OR6C75: variants seen among roughly 807,000 people sequenced by gnomAD.
OR6C75 encodes the protein olfactory receptor family 6 subfamily C member 75, also known as olfactory receptor 6C75.
For synonymous variants in OR6C75, 149 were observed against 130.6 expected (o/e 1.14, Z -0.96); for missense variants, 380 against 368.0 (o/e 1.03, Z -0.27).
In OR6C75 at chr12:55,366,106, C is replaced by T; in HGVS notation, c.*57C>T. The T allele has an allele frequency of 6.0e-6, 6 of 1,004,636 alleles. No individual in the cohort carries two copies. Among genetic ancestry groups the T allele is most frequent in the Non-Finnish European group, 8.8e-6 (6 of 685,072 alleles). 62.2% of individuals were successfully genotyped at this position (1,004,636 alleles called of 1,614,324 possible). A position where few individuals can be genotyped will look rare whatever the true frequency, so the allele number is the denominator to read the frequency against. On this transcript the variant is annotated 3_prime_UTR_variant, in exon 3 of 3. Transcript: ENST00000641576. Reference sequence around the variant, plus strand: ...GCAAAGCTGAATGAAAAACTCTCTACCCTTCTCTACATGAACTCTTTCTAA... The same window carrying T: ...GCAAAGCTGAATGAAAAACTCTCTATCCTTCTCTACATGAACTCTTTCTAA...
chr12:55,365,796 TGAG>T lies in OR6C75; in HGVS notation c.687_689del (p.Met229_Ser230delinsIle). The T allele has an allele frequency of 1.9e-6, 3 of 1,613,950 alleles. No homozygotes were observed. The South Asian group carries it at 3.3e-5, about 18-fold the overall frequency. On this transcript the variant is annotated inframe_deletion, in exon 3 of 3. Transcript: ENST00000641576. ...CGGACAATTCTGAAAATTCCTTCTATGAGTCAAAGGAAAAAAGCCTTTTCCACT... is the reference window on the plus strand; with the variant it reads ...CGGACAATTCTGAAAATTCCTTCTATTCAAAGGAAAAAAGCCTTTTCCACT...
At position 55,368,748 on chromosome 12, in the gene OR6C75, T is replaced by C. The variant is rs1592277196; in HGVS notation, c.*2699T>C. On this transcript the variant is annotated 3_prime_UTR_variant, in exon 3 of 3. Coordinates refer to ENST00000641576, the MANE Select transcript of OR6C75 (RefSeq NM_001005497.2). ...CCTTGATTTTCAGCTTTGTCTGATA[T>C]ACAGGTGAATGTAAAGAGCTCTACA... is the stretch of plus-strand genomic sequence containing the variant. The C allele has an allele frequency of 6.6e-6, 1 of 152,218 alleles. No homozygotes were observed. Among genetic ancestry groups the C allele is most frequent in the Non-Finnish European group, 1.5e-5 (1 of 68,040 alleles). The allele number at this position is 152,218 out of a possible 1,614,324, so 9.4% of individuals were successfully genotyped here.
rs924923681 is a variant in OR6C75, at chr12:55,365,067, A to G, written c.-44A>G. ...TCATAGTTTTCTGGTTTCTTCACCT[A>G]TTTTACAGCGAAAATACAGAATACT... is the stretch of plus-strand genomic sequence containing the variant. On this transcript the variant is annotated 5_prime_UTR_variant, in exon 3 of 3. Transcript: ENST00000641576. The G allele has an allele frequency of 1.5e-6, 2 of 1,362,780 alleles. No homozygotes were observed. The highest frequency in any genetic ancestry group is 1.5e-5 in the African/African-American group (1 of 68,790). The allele number at this position is 1,362,780 out of a possible 1,614,324, so 84.4% of individuals were successfully genotyped here. A position where few individuals can be genotyped will look rare whatever the true frequency, so the allele number is the denominator to read the frequency against.
In OR6C75 at chr12:55,365,949, C is replaced by T; in HGVS notation, c.839C>T (p.Ala280Val). The T allele has an allele frequency of 6.2e-7, 1 of 1,613,534 alleles. No individual in the cohort carries two copies. The highest frequency in any genetic ancestry group is 1.3e-5 in the African/African-American group (1 of 75,006). Reference sequence around the variant, plus strand: ...GTAGCTGTGCTCAATACCTCAGTGGCTCCTCTCTTGAATCCCTTCATATAC... The same window carrying T: ...GTAGCTGTGCTCAATACCTCAGTGGTTCCTCTCTTGAATCCCTTCATATAC... Reference protein sequence around the residue: ...KGVAVLNTSVAPLLNPFIYTL... With the variant: ...KGVAVLNTSVVPLLNPFIYTL... The change falls in exon 3 of 3, where the codon GCT becomes GTT. Residue 280 changes from alanine to valine, a missense_variant. Transcript: ENST00000641576.
Position 55,365,232 on chromosome 12 carries a change from T to A in OR6C75, c.122T>A (p.Leu41Gln), listed in dbSNP as rs1188178743. 1 of 1,612,490 alleles carries A rather than the reference T, an allele frequency of 6.2e-7. No individual in the cohort carries two copies. The highest frequency in any genetic ancestry group is 1.3e-5 in the African/African-American group (1 of 74,932). Residue 41 changes from leucine to glutamine, a missense_variant, in exon 3 of 3, where the codon CTG (leucine) becomes CAG (glutamine). Coordinates refer to ENST00000641576, the MANE Select transcript of OR6C75 (RefSeq NM_001005497.2). ...VTYMLSVTGN[L>Q]IIITLTLSDP... The stretch of plus-strand genomic sequence containing the variant: ...TACATGTTAAGTGTGACTGGGAACC[T>A]GATCATTATCACCCTCACCCTTTCA...
At chr12:55,363,346 T>C (rs183253468) in intron 1 of OR6C75, among the ~76,000 whole-genome samples, 2 of 152,260 alleles carry the variant, frequency 1.3e-5, no homozygotes, top group East Asian at 3.9e-4. Context: ...TAATTTTTGC[T>C]TTAATAGCTT....
In OR6C75 at chr12:55,365,902, A is replaced by T; in HGVS notation, c.792A>T (p.Glu264Asp). 1 of 1,614,026 alleles carries T rather than the reference A, an allele frequency of 6.2e-7. No individual in the cohort carries two copies. The highest frequency in any genetic ancestry group is 1.1e-5 in the South Asian group (1 of 91,084). Reference protein sequence around the residue: ...IFMYIKTSARERVTLSKGVAV... With the variant: ...IFMYIKTSARDRVTLSKGVAV... ...TGTACATTAAGACTTCTGCCAGAGAAAGGGTGACTTTAAGCAAAGGAGTAG... is the reference window on the plus strand; with the variant it reads ...TGTACATTAAGACTTCTGCCAGAGATAGGGTGACTTTAAGCAAAGGAGTAG... The change falls in exon 3 of 3, where the codon GAA becomes GAT. Residue 264 changes from glutamate (E) to aspartate (D), a missense_variant. Glu to Asp is a conservative substitution (Grantham distance 45). Coordinates refer to ENST00000641576, the MANE Select transcript of OR6C75 (RefSeq NM_001005497.2).
chr12:55,367,912 A>G lies in OR6C75; in HGVS notation c.*1863A>G, dbSNP rs899338557. On this transcript the variant is annotated 3_prime_UTR_variant, in exon 3 of 3. Transcript: ENST00000641576. ...CAATCTTGGCTGGGTGTGGTGGCTC[A>G]TGCCCGAAATCTCAGCACTTTGGGA... The G allele has an allele frequency of 2.6e-4, 39 of 152,390 alleles. No individual in the cohort carries two copies. Among genetic ancestry groups the G allele is most frequent in the African/African-American group, 9.4e-4 (39 of 41,576 alleles). 9.4% of individuals were successfully genotyped at this position (152,390 alleles called of 1,614,324 possible). A position where few individuals can be genotyped will look rare whatever the true frequency, so the allele number is the denominator to read the frequency against.
At chr12:55,364,163 T>C (rs1337309544) in intron 2 of OR6C75, among the ~76,000 whole-genome samples, 3 of 151,088 alleles carry the variant, frequency 2.0e-5, no homozygotes, top group Non-Finnish European at 4.4e-5. Context: ...GTATTTTTAG[T>C]AGAGACGGGG....
rs59247539 is a variant in OR6C75 at position 55,364,312 on chromosome 12, C to CTTTTTTTT, written c.-236+453_-236+460dup. Among the ~76,000 whole-genome samples, 133 of 17,172 alleles carry CTTTTTTTT rather than the reference C, an allele frequency of 7.7e-3. 43 individuals carry two copies. The highest frequency in any genetic ancestry group is 0.032 in the South Asian group (7 of 218). The allele number at this position is 17,172 out of a possible 152,430, so 11.3% of individuals were successfully genotyped here. On this transcript the variant is annotated intron_variant, in intron 2 of 2. Transcript: ENST00000641576. ...TTTTTTTTACATTTAGTTTCTTTTCCTTTTTTTTTTTTTTTTTTTTTTTTT... is the reference window on the plus strand; with the variant it reads ...TTTTTTTTACATTTAGTTTCTTTTCCTTTTTTTTTTTTTTTTTTTTTTTTTTTTTTTTT...
At position 55,368,083 on chromosome 12, in the gene OR6C75, G is replaced by A. The variant is rs1869843561; in HGVS notation, c.*2034G>A. The A allele has an allele frequency of 1.3e-5, 2 of 152,182 alleles. No individual in the cohort carries two copies. Among genetic ancestry groups the A allele is most frequent in the Non-Finnish European group, 2.9e-5 (2 of 68,146 alleles). 9.4% of individuals were successfully genotyped at this position (152,182 alleles called of 1,614,324 possible). A position where few individuals can be genotyped will look rare whatever the true frequency, so the allele number is the denominator to read the frequency against. On this transcript the variant is annotated 3_prime_UTR_variant, in exon 3 of 3. Transcript: ENST00000641576. Reference sequence around the variant, plus strand: ...TCCCAGCTACTCAAGAAGATGAGGTGGGAGAATTGCTTGGACCTTGGAGGT... The same window carrying A: ...TCCCAGCTACTCAAGAAGATGAGGTAGGAGAATTGCTTGGACCTTGGAGGT...
Position 55,364,907 on chromosome 12 carries a change from G to T in OR6C75, c.-204G>T. ...GCATCAGCGGATAGCTAGACACAATGGAATGTTATCCAGCCTCATAAAAGA... is the reference window on the plus strand; with the variant it reads ...GCATCAGCGGATAGCTAGACACAATTGAATGTTATCCAGCCTCATAAAAGA... On this transcript the variant is annotated 5_prime_UTR_variant, in exon 3 of 3. An upstream start codon of the reference 5' UTR is lost. Coordinates refer to ENST00000641576, the MANE Select transcript of OR6C75 (RefSeq NM_001005497.2). 1.8e-6 allele frequency: 1 copy of T among 557,156 alleles called. No homozygotes were observed. The highest frequency in any genetic ancestry group is 3.0e-5 in the East Asian group (1 of 33,040). The allele number at this position is 557,156 out of a possible 1,614,324, so 34.5% of individuals were successfully genotyped here.
At position 55,365,848 on chromosome 12, in the gene OR6C75, C is replaced by T. The variant is rs1388103964; in HGVS notation, c.738C>T (p.Val246=). The change falls in exon 3 of 3, where the codon GTC becomes GTT. Residue 246 remains valine, a synonymous_variant. Transcript: ENST00000641576. ...CTTGCTCCTCCCATATGATAGTTGT[C>T]TCCATCTCTTACAGTAGCTGTATCT... ...FSTCSSHMIV[V]SISYSSCIFM... The T allele has an allele frequency of 6.2e-7, 1 of 1,613,832 alleles. No homozygotes were observed. The highest frequency in any genetic ancestry group is 2.2e-5 in the East Asian group (1 of 44,868).
Position 55,365,568 on chromosome 12 carries a change from T to A in OR6C75, c.458T>A (p.Ile153Asn). 1.2e-6 allele frequency: 2 copies of A among 1,614,068 alleles called. No individual in the cohort carries two copies. The highest frequency in any genetic ancestry group is 1.7e-6 in the Non-Finnish European group (2 of 1,180,010). The change falls in exon 3 of 3, where the codon ATC becomes AAC. Residue 153 changes from isoleucine (I) to asparagine (N), a missense_variant. Ile to Asn is a moderately radical substitution (Grantham distance 149, BLOSUM62 -3). Coordinates refer to ENST00000641576, the MANE Select transcript of OR6C75 (RefSeq NM_001005497.2). ...VFSSWLAGFLIIFPPVMLLLQ... is the reference protein window; with the variant it reads ...VFSSWLAGFLNIFPPVMLLLQ... ...AGCTCCTGGCTTGCAGGGTTTCTGA[T>A]CATCTTTCCACCAGTAATGCTTCTG...
chr12:55,364,450 C>T (rs1869745237), intron 2 of OR6C75, among the ~76,000 whole-genome samples: 2 of 149,686 alleles, frequency 1.3e-5, no homozygotes, highest in African/African-American at 2.5e-5. Flanking sequence ...CTCAGCCTCC[C>T]AAGTAGCTGG....
Position 55,365,813 on chromosome 12 carries a change from G to C in OR6C75, c.703G>C (p.Ala235Pro). ...KIPSMSQRKK[A>P]FSTCSSHMIV... is the part of the protein sequence containing the mutation. ...TCCTTCTATGAGTCAAAGGAAAAAA[G>C]CCTTTTCCACTTGCTCCTCCCATAT... The change falls in exon 3 of 3, where the codon GCC becomes CCC. Residue 235 changes from alanine (A) to proline (P), a missense_variant. By Grantham distance (27) the Ala-to-Pro change is conservative. Coordinates refer to ENST00000641576, the MANE Select transcript of OR6C75 (RefSeq NM_001005497.2). 6.2e-7 allele frequency: 1 copy of C among 1,613,444 alleles called. No homozygotes were observed. The highest frequency in any genetic ancestry group is 8.5e-7 in the Non-Finnish European group (1 of 1,179,722).
In OR6C75 at chr12:55,366,273, T is replaced by G. The variant is rs1266230602; in HGVS notation, c.*224T>G. 1 of 383,460 alleles carries G rather than the reference T, an allele frequency of 2.6e-6. No individual in the cohort carries two copies. Among genetic ancestry groups the G allele is most frequent in the Non-Finnish European group, 4.7e-6 (1 of 214,066 alleles). 23.8% of individuals were successfully genotyped at this position (383,460 alleles called of 1,614,324 possible). ...CTCACCTATGTAACTAAATTTTAGG[T>G]AAATTAATAATTACTATGGTTTATT... On this transcript the variant is annotated 3_prime_UTR_variant, in exon 3 of 3. Coordinates refer to ENST00000641576, the MANE Select transcript of OR6C75 (RefSeq NM_001005497.2).
Position 55,365,765 on chromosome 12 carries a change from A to G in OR6C75, c.655A>G (p.Ile219Val), listed in dbSNP as rs1869785851. 1.2e-6 allele frequency: 2 copies of G among 1,614,006 alleles called. No individual in the cohort carries two copies. Among genetic ancestry groups the G allele is most frequent in the South Asian group, 1.1e-5 (1 of 91,070 alleles). ...LTLVILSYTN[I>V]IRTILKIPSM... Reference sequence around the variant, plus strand: ...ATTAGTTATTCTCTCCTACACAAACATCATCCGGACAATTCTGAAAATTCC... The same window carrying G: ...ATTAGTTATTCTCTCCTACACAAACGTCATCCGGACAATTCTGAAAATTCC... The change falls in exon 3 of 3, where the codon ATC (isoleucine) becomes GTC (valine). Residue 219 changes from isoleucine to valine, a missense_variant. By Grantham distance (29) the Ile-to-Val change is conservative. Transcript: ENST00000641576.
rs1051692754 is a variant in OR6C75, at chr12:55,368,111, A to C, written c.*2062A>C. Reference sequence around the variant, plus strand: ...AGAATTGCTTGGACCTTGGAGGTTGAGGCTGCAGTGAGCTCTCATCATGCC... The same window carrying C: ...AGAATTGCTTGGACCTTGGAGGTTGCGGCTGCAGTGAGCTCTCATCATGCC... On this transcript the variant is annotated 3_prime_UTR_variant, in exon 3 of 3. Coordinates refer to ENST00000641576, the MANE Select transcript of OR6C75 (RefSeq NM_001005497.2). 1 of 152,206 alleles carries C rather than the reference A, an allele frequency of 6.6e-6. No individual in the cohort carries two copies. Among genetic ancestry groups the C allele is most frequent in the Admixed American group, 6.6e-5 (1 of 15,242 alleles). 9.4% of individuals were successfully genotyped at this position (152,206 alleles called of 1,614,324 possible).
Sources: gnomAD v4.1 joint callset for allele counts (sites outside exome capture counted in the v4.1 genomes callset) on GRCh38, gnomAD v4.1.1 for gene constraint, MANE v1.5 for transcripts, NCBI Gene and HGNC (gene_info 2026-07-23, HGNC 2026-07-21) for gene names.